The following PFDN1 variants were observed in gnomAD, a reference collection of about 807,000 sequenced individuals.
PFDN1 encodes the protein prefoldin 1.
In PFDN1, 6 loss-of-function variants were observed where a neutral mutation model predicts 17.3. The ratio of observed to expected loss-of-function variants is 0.35; its 90% confidence interval spans 0.19 to 0.69. The LOEUF is 0.69. PFDN1 is among the 30% of genes least tolerant of loss of function. PFDN1 has a pLI of 0.65. For missense variants in PFDN1, 113 were observed against 146.2 expected (o/e 0.77, Z 1.17); for synonymous variants, 58 against 50.1 (o/e 1.16, Z -0.67).
intron 3 of PFDN1, among the ~76,000 whole-genome samples, chr5:140,271,316 A>T (rs192887283): frequency 6.6e-6 from 1 of 152,334 alleles, no homozygotes; most frequent in Admixed American, 6.5e-5. Context: ...TAAAACAAAC[A>T]TACATTTTTA....
rs115526113 is a variant in PFDN1, at chr5:140,281,887, G to A, written c.201-354C>T. The A allele has an allele frequency of 2.3e-3, 400 of 175,350 alleles. 3 individuals are homozygous for A. The highest frequency in any genetic ancestry group is 9.3e-3 in the African/African-American group (382 of 40,954). 10.9% of individuals were successfully genotyped at this position (175,350 alleles called of 1,614,324 possible). A position where few individuals can be genotyped will look rare whatever the true frequency, so the allele number is the denominator to read the frequency against. On this transcript the variant is annotated intron_variant, in intron 2 of 3. Coordinates refer to ENST00000261813, the MANE Select transcript of PFDN1 (RefSeq NM_002622.5). Reference sequence around the variant, plus strand: ...ACCCTGTCTCATTAAAAAAAAAAGCGGGGGGGTTGCGGGAGTTGGGCACAG... The same window carrying A: ...ACCCTGTCTCATTAAAAAAAAAAGCAGGGGGGTTGCGGGAGTTGGGCACAG...
At chr5:140,296,675 T>C (rs1765659221) in intron 2 of PFDN1, among the ~76,000 whole-genome samples, 1 of 152,174 alleles carries the variant, frequency 6.6e-6, no homozygotes, top group African/African-American at 2.4e-5. Flanking sequence ...AGGAAACCTA[T>C]GTGGCAAGGG....
intron 3 of PFDN1, among the ~76,000 whole-genome samples, chr5:140,265,551 T>C (rs115192294): frequency 1.6e-4 from 25 of 152,254 alleles, no homozygotes; most frequent in African/African-American, 5.5e-4. Context: ...GGGTGTCTAA[T>C]AGTAATCTCA....
At chr5:140,256,543 A>G (rs1764987375) in intron 3 of PFDN1, among the ~76,000 whole-genome samples, 1 of 150,984 alleles carries the variant, frequency 6.6e-6, no homozygotes, top group African/African-American at 2.4e-5. Context: ...AGACTTTAAT[A>G]TGTTTAAAAC....
At chr5:140,267,461 A>G (rs1765148709) in intron 3 of PFDN1, among the ~76,000 whole-genome samples, 1 of 152,238 alleles carries the variant, frequency 6.6e-6, no homozygotes, top group African/African-American at 2.4e-5. Flanking sequence ...CTCTGGCTCC[A>G]CACTAAGGGA....
intron 2 of PFDN1, among the ~76,000 whole-genome samples, chr5:140,291,388 C>A (rs1369004460): frequency 6.6e-6 from 1 of 152,030 alleles, no homozygotes; most frequent in Non-Finnish European, 1.5e-5. Context: ...AAGGGTGACT[C>A]CAAGATTTGG....
intron 1 of PFDN1, 73 bp downstream of exon 1, chr5:140,302,968 A>C: frequency 9.4e-7 from 1 of 1,060,030 alleles, no homozygotes; most frequent in Non-Finnish European, 1.5e-6. Flanking sequence ...CTCGTGCCTC[A>C]CTTGATATTC....
intron 1 of PFDN1, among the ~76,000 whole-genome samples, chr5:140,302,008 T>C (rs931295184): frequency 6.6e-6 from 1 of 152,184 alleles, no homozygotes; most frequent in Non-Finnish European, 1.5e-5. Context: ...AAACACATAA[T>C]ATCCTCACAA....
Position 140,272,081 on chromosome 5 carries a change from G to A in PFDN1, c.285+9368C>T, listed in dbSNP as rs569205683. On this transcript the variant is annotated intron_variant, in intron 3 of 3. Coordinates refer to ENST00000261813, the MANE Select transcript of PFDN1 (RefSeq NM_002622.5). Reference sequence around the variant, plus strand: ...GACGCCCAGGCCGGAGTGCAATAGCGTAATCTTGGCTCACTGCAACCTCCA... The same window carrying A: ...GACGCCCAGGCCGGAGTGCAATAGCATAATCTTGGCTCACTGCAACCTCCA... Among the ~76,000 whole-genome samples, 11 of 151,800 alleles carry A rather than the reference G, an allele frequency of 7.2e-5. No individual in the cohort carries two copies. The East Asian group carries it at 7.7e-4, about 11-fold the overall frequency.
At chr5:140,278,557 C>CAAAAAAA (rs113129230) in intron 3 of PFDN1, among the ~76,000 whole-genome samples, 1,259 of 78,942 alleles carry the variant, frequency 0.016, 2 homozygotes, top group East Asian at 0.026. Context: ...GACTCTGTCT[C>CAAAAAAA]AAAAAAAAAA....
At chr5:140,292,965 A>G (rs1273269871) in intron 2 of PFDN1, 1 of 152,108 alleles carries the variant, frequency 6.6e-6, no homozygotes, top group Non-Finnish European at 1.5e-5. Context: ...GTTCCTTGAC[A>G]TGAACATTTC....
chr5:140,266,692 AAC>A (rs376911838), intron 3 of PFDN1, among the ~76,000 whole-genome samples: 2 of 152,166 alleles, frequency 1.3e-5, no homozygotes, highest in Non-Finnish European at 1.5e-5. Flanking sequence ...CAGAATGTGG[AAC>A]ACACACACAC....
At chr5:140,252,260 T>G (rs968929252) in intron 3 of PFDN1, among the ~76,000 whole-genome samples, 1 of 152,220 alleles carries the variant, frequency 6.6e-6, no homozygotes, top group Non-Finnish European at 1.5e-5. Flanking sequence ...TACGGATATG[T>G]ACTTTTATCT....
chr5:140,301,828 C>T (rs942860228), intron 1 of PFDN1, among the ~76,000 whole-genome samples: 1 of 152,160 alleles, frequency 6.6e-6, no homozygotes, highest in South Asian at 2.1e-4. Flanking sequence ...TTAGAATGCA[C>T]AATTTTGTTT....
intron 3 of PFDN1, among the ~76,000 whole-genome samples, chr5:140,256,260 A>C (rs1764984181): frequency 6.6e-6 from 1 of 151,974 alleles, no homozygotes; most frequent in Non-Finnish European, 1.5e-5. Context: ...CACACCTGTA[A>C]TCTCAGCACT....
At chr5:140,268,757 A>G (rs1166652572) in intron 3 of PFDN1, among the ~76,000 whole-genome samples, 1 of 152,226 alleles carries the variant, frequency 6.6e-6, no homozygotes, top group East Asian at 1.9e-4. Context: ...AGCACTATAA[A>G]TGAATAAAGT....
At chr5:140,285,568 C>A (rs13355932) in intron 2 of PFDN1, among the ~76,000 whole-genome samples, 4,272 of 152,004 alleles carry the variant, frequency 0.028, 204 homozygotes, top group African/African-American at 0.098. Flanking sequence ...ACATTGTGGA[C>A]TGCTCAGTGA....
intron 3 of PFDN1, among the ~76,000 whole-genome samples, chr5:140,260,504 C>A (rs1374997872): frequency 6.6e-6 from 1 of 151,508 alleles, no homozygotes; most frequent in African/African-American, 2.4e-5. Flanking sequence ...GAATATTATT[C>A]AGACATAAAA....
chr5:140,278,497 G>A (rs1765334707), intron 3 of PFDN1, among the ~76,000 whole-genome samples: 1 of 145,626 alleles, frequency 6.9e-6, no homozygotes, highest in Non-Finnish European at 1.5e-5. Flanking sequence ...TGGGGCAGAG[G>A]TGGCAGTGAG....
Sources: gnomAD v4.1 joint callset for allele counts (sites outside exome capture counted in the v4.1 genomes callset) on GRCh38, gnomAD v4.1.1 for gene constraint, MANE v1.5 for transcripts, NCBI Gene and HGNC (gene_info 2026-07-23, HGNC 2026-07-21) for gene names.